SCHIP1: variants seen among roughly 807,000 people sequenced by gnomAD.
SCHIP1 encodes the protein schwannomin interacting protein 1, also known as schwannomin-interacting protein 1.
SCHIP1 carries 8 observed loss-of-function variants against 29.7 expected under a neutral mutation model. That is an observed-to-expected ratio of 0.27 (90% confidence interval 0.16 to 0.49). SCHIP1 has a LOEUF of 0.49. Ranked by LOEUF, SCHIP1 falls within the 20% of genes least tolerant of loss-of-function variation. The pLI, the probability that SCHIP1 is intolerant of heterozygous loss-of-function variation, is 0.99. For synonymous variants in SCHIP1, 76 were observed against 94.9 expected, an observed-to-expected ratio of 0.80 and a Z score of 1.16; for missense variants, 193 against 294.6, an observed-to-expected ratio of 0.66 and a Z score of 2.52.
At chr3:159,810,164 G>C in the SCHIP1 span, among the ~76,000 whole-genome samples, 1 of 152,146 alleles carries the variant, frequency 6.6e-6, no homozygotes, top group African/African-American at 2.4e-5. Flanking sequence ...TCCTGCCTCG[G>C]CCTCCCGAGT....
chr3:159,300,113 CTTT>C, the SCHIP1 span, among the ~76,000 whole-genome samples: 46 of 45,376 alleles, frequency 1.0e-3, no homozygotes, highest in South Asian at 7.3e-3. Flanking sequence ...GGGAAAGCTG[CTTT>C]TTTTTTTTTT....
At chr3:159,593,836 A>G in the SCHIP1 span, among the ~76,000 whole-genome samples, 1 of 152,178 alleles carries the variant, frequency 6.6e-6, no homozygotes, top group Non-Finnish European at 1.5e-5. Flanking sequence ...AATGCTGTTT[A>G]ATTCTTTCTA....
chr3:159,556,010 T>TAC, the SCHIP1 span, among the ~76,000 whole-genome samples: 1 of 152,144 alleles, frequency 6.6e-6, no homozygotes, highest in African/African-American at 2.4e-5. Context: ...GGCACGTGTA[T>TAC]ACCTATGTAA....
the SCHIP1 span, among the ~76,000 whole-genome samples, chr3:159,796,751 GACC>G: frequency 6.6e-6 from 1 of 152,140 alleles, no homozygotes; most frequent in Non-Finnish European, 1.5e-5. Context: ...ACCTGACATT[GACC>G]ATGGGGAAGT....
the SCHIP1 span, among the ~76,000 whole-genome samples, chr3:159,822,795 T>C: frequency 6.6e-6 from 1 of 151,322 alleles, no homozygotes; most frequent in Non-Finnish European, 1.5e-5. Context: ...CTGGTGTTGG[T>C]ATCAGCAGTC....
chr3:159,711,360 CAAAAAAAAAAAAAAAAAAAA>C, the SCHIP1 span, among the ~76,000 whole-genome samples: 6 of 6,752 alleles, frequency 8.9e-4, no homozygotes, highest in Non-Finnish European at 1.0e-3. Context: ...GACTCCGTCT[CAAAAAAAAAAAAAAAAAAAA>C]AAAAAAAAAA....
At chr3:159,617,868 A>T in the SCHIP1 span, among the ~76,000 whole-genome samples, 1 of 152,316 alleles carries the variant, frequency 6.6e-6, no homozygotes, top group Non-Finnish European at 1.5e-5. Flanking sequence ...TTTAGCGGGC[A>T]GAGGGGAAAC....
At chr3:159,346,250 G>C in the SCHIP1 span, among the ~76,000 whole-genome samples, 1 of 139,812 alleles carries the variant, frequency 7.2e-6, no homozygotes, top group Non-Finnish European at 1.5e-5. Context: ...AAACAATGAG[G>C]AATAAGCACC....
intron 2 of SCHIP1, among the ~76,000 whole-genome samples, chr3:159,868,252 A>G (rs1364658803): frequency 6.6e-6 from 1 of 151,192 alleles, no homozygotes; most frequent in Non-Finnish European, 1.5e-5. Flanking sequence ...TCCTTGTGCC[A>G]CTCTCCAGAA....
the SCHIP1 span, among the ~76,000 whole-genome samples, chr3:159,355,615 T>A: frequency 0.47 from 70,626 of 151,872 alleles, 16,702 homozygotes; most frequent in African/African-American, 0.51. Context: ...AATTATATTC[T>A]ATTTCTTGGA....
the SCHIP1 span, among the ~76,000 whole-genome samples, chr3:159,647,706 A>G: frequency 1.3e-5 from 2 of 152,146 alleles, no homozygotes; most frequent in African/African-American, 4.8e-5. Context: ...AGATAAAACA[A>G]TTGTTCACCA....
At chr3:159,735,024 A>G in the SCHIP1 span, among the ~76,000 whole-genome samples, 25,609 of 151,670 alleles carry the variant, frequency 0.17, 2,278 homozygotes, top group Middle Eastern at 0.23. Context: ...ACTTCCACTT[A>G]TTTTGTGTTC....
the SCHIP1 span, among the ~76,000 whole-genome samples, chr3:159,672,774 C>CCTCAT: frequency 3.3e-5 from 5 of 152,198 alleles, no homozygotes; most frequent in Non-Finnish European, 7.3e-5. Context: ...TCCTCAGTCT[C>CCTCAT]CTCATCTCTA....
chr3:159,295,385 C>T, the SCHIP1 span, among the ~76,000 whole-genome samples: 5 of 151,938 alleles, frequency 3.3e-5, 1 homozygote, highest in South Asian at 2.1e-4. Flanking sequence ...GCCGAGATCA[C>T]GCCATTGCAC....
At chr3:159,655,872 G>T in the SCHIP1 span, among the ~76,000 whole-genome samples, 1 of 152,198 alleles carries the variant, frequency 6.6e-6, no homozygotes, top group Non-Finnish European at 1.5e-5. Context: ...CTGGGTGGCA[G>T]AGTGAGACTC....
At chr3:159,468,883 C>T in the SCHIP1 span, among the ~76,000 whole-genome samples, 4 of 151,246 alleles carry the variant, frequency 2.6e-5, no homozygotes, top group Non-Finnish European at 5.9e-5. Context: ...TCTCCTGCCT[C>T]AGCCTCCCAA....
chr3:159,626,138 ATATATC>A, the SCHIP1 span, among the ~76,000 whole-genome samples: 28 of 114,078 alleles, frequency 2.5e-4, no homozygotes, highest in African/African-American at 7.3e-4. Context: ...AGATAGATAG[ATATATC>A]TAGATATATA....
chr3:159,521,064 A>T, the SCHIP1 span, among the ~76,000 whole-genome samples: 1 of 152,224 alleles, frequency 6.6e-6, no homozygotes, highest in East Asian at 1.9e-4. Flanking sequence ...AAATATTGCC[A>T]ACTTGCTTTC....
the SCHIP1 span, among the ~76,000 whole-genome samples, chr3:159,566,566 G>A: frequency 6.6e-6 from 1 of 152,144 alleles, no homozygotes; most frequent in Admixed American, 6.6e-5. Flanking sequence ...AAAGGAGCAA[G>A]GAAGACCTCA....
Sources: allele counts gnomAD v4.1 joint callset (sites outside exome capture counted in the v4.1 genomes callset), GRCh38; gene constraint gnomAD v4.1.1; transcripts MANE v1.5; gene names NCBI Gene and HGNC (gene_info 2026-07-23, HGNC 2026-07-21).